Variants in CNTNAP3B observed in about 807,000 individuals in gnomAD.
CNTNAP3B encodes the protein contactin-associated protein-like 3B.
CNTNAP3B carries 25 observed loss-of-function variants against 108.9 expected under a neutral mutation model. That is an observed-to-expected ratio of 0.23 (90% CI 0.17 to 0.32). The LOEUF (loss-of-function observed/expected upper bound fraction) is 0.32. Ranked by LOEUF, CNTNAP3B falls within the 10% of genes least tolerant of loss-of-function variation. The probability of loss-of-function intolerance (pLI) is 1.00; values close to 1 mark genes in which losing one functional copy is unlikely to be tolerated. For missense variants in CNTNAP3B, 252 were observed against 1,210.4 expected (o/e 0.21, Z 11.75); for synonymous variants, 103 against 473.4 (o/e 0.22, Z 10.16).
chr9:41,926,239 C>A (rs1823815700), intron 15 of CNTNAP3B, among the ~76,000 whole-genome samples: 1 of 152,182 alleles, frequency 6.6e-6, no homozygotes, highest in South Asian at 2.1e-4. Context: ...CATATTTGCT[C>A]ATTCCCCAGT....
chr9:41,917,571 G>C (rs1054637411), intron 18 of CNTNAP3B, among the ~76,000 whole-genome samples: 1 of 142,018 alleles, frequency 7.0e-6, no homozygotes, highest in African/African-American at 2.7e-5. Flanking sequence ...TAGGGCACAG[G>C]GTGGGAAAGG....
At chr9:41,939,911 G>T (rs1173703966) in intron 13 of CNTNAP3B, among the ~76,000 whole-genome samples, 1 of 151,866 alleles carries the variant, frequency 6.6e-6, no homozygotes, top group Non-Finnish European at 1.5e-5. Flanking sequence ...GACAACCGAA[G>T]AGAATTCTGA....
intron 14 of CNTNAP3B, among the ~76,000 whole-genome samples, chr9:41,934,996 A>G (rs1479609104): frequency 6.6e-6 from 1 of 152,216 alleles, no homozygotes; most frequent in Non-Finnish European, 1.5e-5. Context: ...TTAGCAAAAC[A>G]ACTTGTGGAT....
chr9:42,091,853 T>C (rs1381365987), intron 2 of CNTNAP3B, among the ~76,000 whole-genome samples: 3 of 92,880 alleles, frequency 3.2e-5, no homozygotes, highest in Non-Finnish European at 6.8e-5. Context: ...TTAGCAACTT[T>C]GAGCATCATA....
At chr9:41,928,053 A>T (rs1259939875) in intron 15 of CNTNAP3B, among the ~76,000 whole-genome samples, 5 of 152,174 alleles carry the variant, frequency 3.3e-5, no homozygotes, top group African/African-American at 1.2e-4. Flanking sequence ...GAAAAAAATA[A>T]CAGAATAATT....
chr9:42,062,968 A>C lies in CNTNAP3B; in HGVS notation c.390+13901T>G, dbSNP rs1213477271. ...ACTTTATGTTTTTGATGCTTTTTAT[A>C]TTGTGTAACCCTTAATGAATTATTG... On this transcript the variant is annotated intron_variant, in intron 3 of 23. Transcript: ENST00000377561. Among the ~76,000 whole-genome samples, 2 of 98,466 alleles carry C rather than the reference A, an allele frequency of 2.0e-5. 1 individual carries two copies. The highest frequency in any genetic ancestry group is 4.3e-5 in the Non-Finnish European group (2 of 46,234). The allele number at this position is 98,466 out of a possible 152,430, so 64.6% of individuals were successfully genotyped here. A position where few individuals can be genotyped will look rare whatever the true frequency, so the allele number is the denominator to read the frequency against.
In CNTNAP3B at chr9:42,063,489, CTTT is replaced by C. The variant is rs545953940; in HGVS notation, c.390+13377_390+13379del. Among the ~76,000 whole-genome samples the C allele has an allele frequency of 1.4e-3, 191 of 133,468 alleles. 3 individuals carry two copies. The highest frequency in any genetic ancestry group is 8.8e-3 in the South Asian group (35 of 3,990). 87.6% of individuals were successfully genotyped at this position (133,468 alleles called of 152,430 possible). A position where few individuals can be genotyped will look rare whatever the true frequency, so the allele number is the denominator to read the frequency against. Reference sequence around the variant, plus strand: ...TGATGCTCTTTTGCTGCAGAATACTCTTTTTGTCCTTGAATTTTCAAAGTTTGA... The same window carrying C: ...TGATGCTCTTTTGCTGCAGAATACTCTTGTCCTTGAATTTTCAAAGTTTGA... On this transcript the variant is annotated intron_variant, in intron 3 of 23. Coordinates refer to ENST00000377561, the MANE Select transcript of CNTNAP3B (RefSeq NM_001201380.3).
In CNTNAP3B at chr9:41,977,364, A is replaced by C. The variant is rs1825539786; in HGVS notation, c.1478-7119T>G. Among the ~76,000 whole-genome samples the C allele has an allele frequency of 2.7e-5, 4 of 146,738 alleles. No homozygotes were observed. The South Asian group carries it at 8.7e-4, about 32-fold the overall frequency. ...GCTTCCTAAATATTTTACCTTTGAA[A>C]TGATAGGTCTTGGATATATTGGCTT... On this transcript the variant is annotated intron_variant, in intron 9 of 23. Transcript: ENST00000377561.
intron 14 of CNTNAP3B, among the ~76,000 whole-genome samples, chr9:41,937,309 T>A (rs1824189117): frequency 6.6e-6 from 1 of 151,914 alleles, no homozygotes; most frequent in Non-Finnish European, 1.5e-5. Flanking sequence ...GTATTTTCAG[T>A]GGAGACGGGG....
intron 14 of CNTNAP3B, among the ~76,000 whole-genome samples, chr9:41,932,776 G>C (rs1246528199): frequency 1.3e-5 from 2 of 152,066 alleles, no homozygotes; most frequent in Non-Finnish European, 2.9e-5. Flanking sequence ...CCTTGGCCTC[G>C]CAAAGTGCTG....
chr9:41,938,889 G>A (rs1274256154), intron 13 of CNTNAP3B, among the ~76,000 whole-genome samples: 67 of 152,300 alleles, frequency 4.4e-4, no homozygotes, highest in African/African-American at 1.5e-3. Context: ...ACTAATTTTT[G>A]GAGGTATTTG....
At chr9:42,037,313 C>T (rs1177609497) in intron 3 of CNTNAP3B, among the ~76,000 whole-genome samples, 2 of 105,040 alleles carry the variant, frequency 1.9e-5, no homozygotes, top group Non-Finnish European at 4.0e-5. Flanking sequence ...TTCAGATGAT[C>T]GATAATAACA....
At chr9:42,041,709 A>G (rs998266280) in intron 3 of CNTNAP3B, among the ~76,000 whole-genome samples, 1 of 140,280 alleles carries the variant, frequency 7.1e-6, no homozygotes, top group African/African-American at 2.8e-5. Context: ...AACCAGAAAT[A>G]CCATTTGACC....
chr9:41,926,249 T>G (rs1414165947), intron 15 of CNTNAP3B, among the ~76,000 whole-genome samples: 4 of 152,144 alleles, frequency 2.6e-5, no homozygotes, highest in Non-Finnish European at 5.9e-5. Context: ...CATTCCCCAG[T>G]GTGGAACCTA....
At chr9:42,045,286 T>C (rs1826848745) in intron 3 of CNTNAP3B, among the ~76,000 whole-genome samples, 1 of 119,884 alleles carries the variant, frequency 8.3e-6, no homozygotes. Flanking sequence ...ATTTTTATTG[T>C]AAGAAACTCA....
intron 3 of CNTNAP3B, among the ~76,000 whole-genome samples, chr9:42,018,823 C>A (rs1425937684): frequency 1.9e-4 from 29 of 151,996 alleles, no homozygotes; most frequent in South Asian, 8.3e-4. Context: ...CTCAACCATG[C>A]GGAGCCTTCC....
chr9:42,029,462 T>A lies in CNTNAP3B; in HGVS notation c.391-15937A>T, dbSNP rs1397348040. Among the ~76,000 whole-genome samples, 3 of 121,600 alleles carry A rather than the reference T, an allele frequency of 2.5e-5. 1 individual carries two copies. Among genetic ancestry groups the A allele is most frequent in the African/African-American group, 1.0e-4 (3 of 29,134 alleles). The allele number at this position is 121,600 out of a possible 152,430, so 79.8% of individuals were successfully genotyped here. A position where few individuals can be genotyped will look rare whatever the true frequency, so the allele number is the denominator to read the frequency against. On this transcript the variant is annotated intron_variant, in intron 3 of 23. Coordinates refer to ENST00000377561, the MANE Select transcript of CNTNAP3B (RefSeq NM_001201380.3). ...AAAATATGGTTCACAGTCTTACCAG[T>A]CAGATAACCCTTGTTGACATACAAA... is the stretch of plus-strand genomic sequence containing the variant.
At position 42,097,054 on chromosome 9, in the gene CNTNAP3B, G is replaced by A. The variant is rs376759707; in HGVS notation, c.196+7575C>T. Among the ~76,000 whole-genome samples, 24 of 139,012 alleles carry A rather than the reference G, an allele frequency of 1.7e-4. 5 individuals are homozygous for A. The East Asian group carries it at 2.0e-3, about 11-fold the overall frequency. The allele number at this position is 139,012 out of a possible 152,430, so 91.2% of individuals were successfully genotyped here. On this transcript the variant is annotated intron_variant, in intron 2 of 23. Coordinates refer to ENST00000377561, the MANE Select transcript of CNTNAP3B (RefSeq NM_001201380.3). ...GGCGTGAACCACTGTGCCCGGTCCC[G>A]CACAGAAGTTTTTGATGTTAGGTGT... is the stretch of plus-strand genomic sequence containing the variant.
At chr9:41,934,188 C>CATAT (rs748553009) in intron 14 of CNTNAP3B, among the ~76,000 whole-genome samples, 26 of 135,356 alleles carry the variant, frequency 1.9e-4, no homozygotes, top group African/African-American at 6.9e-4. Flanking sequence ...CACACACACA[C>CATAT]ATATATATAT....
Sources: gnomAD v4.1 joint callset for allele counts (sites outside exome capture counted in the v4.1 genomes callset) on GRCh38, gnomAD v4.1.1 for gene constraint, MANE v1.5 for transcripts, NCBI Gene and HGNC (gene_info 2026-07-23, HGNC 2026-07-21) for gene names.